Variants in ZCCHC4 observed in about 807,000 individuals in gnomAD.
The protein encoded by ZCCHC4 is rRNA N(6)-adenosine-methyltransferase ZCCHC4.
Under a neutral mutation model 67.7 loss-of-function variants are expected in ZCCHC4, and 54 were observed. The ratio of observed to expected loss-of-function variants is 0.80; its 90% CI spans 0.64 to 1.00. The LOEUF (loss-of-function observed/expected upper bound fraction) is 1.00. Among genes scored for constraint, ZCCHC4 ranks in the 50% least tolerant of loss-of-function variants. The pLI, the probability that ZCCHC4 is intolerant of heterozygous loss-of-function variation, is 0.00. For missense variants in ZCCHC4, 609 were observed against 617.0 expected (o/e 0.99, Z 0.14); for synonymous variants, 198 against 213.5 (o/e 0.93, Z 0.63).
chr4:25,370,142 G>A lies in ZCCHC4; in HGVS notation c.*978G>A, dbSNP rs557591649. 6 of 152,258 alleles carry A rather than the reference G, an allele frequency of 3.9e-5. No homozygotes were observed. Among genetic ancestry groups the A allele is most frequent in the Admixed American group, 2.0e-4 (3 of 15,288 alleles). 9.4% of individuals were successfully genotyped at this position (152,258 alleles called of 1,614,324 possible). On this transcript the variant is annotated 3_prime_UTR_variant, in exon 13 of 13. Coordinates refer to ENST00000302874, the MANE Select transcript of ZCCHC4 (RefSeq NM_024936.3). ...CGACTTGCTCTGTCATTCCAGTGTC[G>A]TTTAACCTATGCAGTAAGATTCTGT...
At chr4:25,363,900 C>T (rs891737030) in intron 10 of ZCCHC4, among the ~76,000 whole-genome samples, 7 of 152,088 alleles carry the variant, frequency 4.6e-5, no homozygotes, top group Non-Finnish European at 7.4e-5. Context: ...GAGCATGGGG[C>T]AGTTTCCAGA....
chr4:25,343,758 A>G (rs1484004180), intron 5 of ZCCHC4, among the ~76,000 whole-genome samples: 1 of 152,248 alleles, frequency 6.6e-6, no homozygotes, highest in Non-Finnish European at 1.5e-5. Context: ...GCTGTCCCTT[A>G]CATTAAATAT....
chr4:25,336,460 T>C (rs1006066947), intron 5 of ZCCHC4, among the ~76,000 whole-genome samples: 3 of 152,162 alleles, frequency 2.0e-5, no homozygotes, highest in Non-Finnish European at 4.4e-5. Flanking sequence ...ACTTTTGGGT[T>C]CTTATAATGT....
rs566017426 is a variant in ZCCHC4, at chr4:25,369,309, T to C, written c.*145T>C. The C allele has an allele frequency of 8.3e-5, 91 of 1,095,360 alleles. 2 individuals are homozygous for C. In the African/African-American group the frequency reaches 1.2e-3, roughly 14 times the overall value. The allele number at this position is 1,095,360 out of a possible 1,614,324, so 67.9% of individuals were successfully genotyped here. A position where few individuals can be genotyped will look rare whatever the true frequency, so the allele number is the denominator to read the frequency against. The stretch of plus-strand genomic sequence containing the variant: ...ATAACAGGCAGGTGGCATTTGCTGG[T>C]TTACAGTCCCTTATCTGCCTCTCTG... On this transcript the variant is annotated 3_prime_UTR_variant, in exon 13 of 13. Coordinates refer to ENST00000302874, the MANE Select transcript of ZCCHC4 (RefSeq NM_024936.3).
rs1721094681 is a variant in ZCCHC4, at chr4:25,370,230, C to A, written c.*1066C>A. On this transcript the variant is annotated 3_prime_UTR_variant, in exon 13 of 13. Transcript: ENST00000302874. ...TTGGTAATTAAACGCCCAAACTAAA[C>A]TCCTCATTCCTACCCTTAATATTTC... 6.6e-6 allele frequency: 1 copy of A among 152,176 alleles called. No homozygotes were observed. Among genetic ancestry groups the A allele is most frequent in the Admixed American group, 6.5e-5 (1 of 15,274 alleles). 9.4% of individuals were successfully genotyped at this position (152,176 alleles called of 1,614,324 possible). A position where few individuals can be genotyped will look rare whatever the true frequency, so the allele number is the denominator to read the frequency against.
Position 25,327,806 on chromosome 4 carries a change from G to A in ZCCHC4, c.330-5377G>A, listed in dbSNP as rs547261258. ...CTGAGAATCTTTATCATCAGTGGAT[G>A]TTTGATTTTGTCAAGTGCGTTTTTG... is the stretch of plus-strand genomic sequence containing the variant. On this transcript the variant is annotated intron_variant, in intron 3 of 12. Transcript: ENST00000302874. Among the ~76,000 whole-genome samples, 4 of 152,270 alleles carry A rather than the reference G, an allele frequency of 2.6e-5. No individual in the cohort carries two copies. The East Asian group carries it at 5.8e-4, about 22-fold the overall frequency.
At chr4:25,331,030 G>A (rs572283956) in intron 3 of ZCCHC4, among the ~76,000 whole-genome samples, 3 of 152,096 alleles carry the variant, frequency 2.0e-5, no homozygotes, top group East Asian at 1.9e-4. Flanking sequence ...AATTCTGGCC[G>A]CCTAGCCTCC....
intron 8 of ZCCHC4, among the ~76,000 whole-genome samples, chr4:25,354,061 A>G (rs752923814): frequency 2.6e-5 from 4 of 152,146 alleles, no homozygotes; most frequent in African/African-American, 4.8e-5. Flanking sequence ...TTTTGCACCA[A>G]CCTAATAATT....
intron 1 of ZCCHC4, among the ~76,000 whole-genome samples, chr4:25,313,427 T>G (rs1441363521): frequency 6.6e-6 from 1 of 152,156 alleles, no homozygotes; most frequent in Non-Finnish European, 1.5e-5. Context: ...ATTCTCTGAG[T>G]CCCTTCCTTG....
At chr4:25,368,940 T>C in intron 12 of ZCCHC4, 89 bp from the exon 13 acceptor site, 1 of 1,416,346 alleles carries the variant, frequency 7.1e-7, no homozygotes, top group Non-Finnish European at 9.4e-7. Context: ...TCTATTTTCT[T>C]ATTTGGTTAG....
chr4:25,347,017 A>G (rs1402064918), intron 6 of ZCCHC4, among the ~76,000 whole-genome samples: 3 of 152,154 alleles, frequency 2.0e-5, no homozygotes, highest in Non-Finnish European at 4.4e-5. Context: ...AACAGAGGGA[A>G]GTGAAGTTTG....
chr4:25,315,712 GTTT>G (rs3067788), intron 3 of ZCCHC4, among the ~76,000 whole-genome samples: 11,574 of 131,924 alleles, frequency 0.088, 492 homozygotes, highest in East Asian at 0.17. Context: ...ATTTTTGTGT[GTTT>G]TTTTTTTTTT....
At chr4:25,364,706 T>C (rs1206621371) in intron 11 of ZCCHC4, among the ~76,000 whole-genome samples, 1 of 152,238 alleles carries the variant, frequency 6.6e-6, no homozygotes, top group Non-Finnish European at 1.5e-5. Context: ...TGCTAACCTG[T>C]TTCAGTGTGG....
intron 3 of ZCCHC4, among the ~76,000 whole-genome samples, chr4:25,319,293 G>A (rs1718448575): frequency 6.6e-6 from 1 of 152,152 alleles, no homozygotes; most frequent in African/African-American, 2.4e-5. Context: ...GCTGAGGCAG[G>A]AGAATGGCGT....
At chr4:25,348,204 A>T (rs1720114221) in intron 6 of ZCCHC4, among the ~76,000 whole-genome samples, 1 of 152,220 alleles carries the variant, frequency 6.6e-6, no homozygotes, top group African/African-American at 2.4e-5. Context: ...TTGACAAGTC[A>T]TCCTCTGCTG....
intron 3 of ZCCHC4, among the ~76,000 whole-genome samples, chr4:25,317,381 A>T (rs1718311498): frequency 1.3e-5 from 2 of 152,150 alleles, no homozygotes; most frequent in African/African-American, 4.8e-5. Context: ...CTGTGTGGGA[A>T]TTCAGTCATC....
rs950250125 is a variant in ZCCHC4 at position 25,341,144 on chromosome 4, A to G, written c.687-4404A>G. ...CATTTTCTTTTCTCTAGCTAACTTT[A>G]TAGTAAAAATGCTGTATATAAAACA... is the stretch of plus-strand genomic sequence containing the variant. On this transcript the variant is annotated intron_variant, in intron 5 of 12. Transcript: ENST00000302874. 3.9e-5 allele frequency among the ~76,000 whole-genome samples: 6 copies of G among 152,124 alleles called. No homozygotes were observed. The East Asian group carries it at 9.6e-4, about 24-fold the overall frequency.
Position 25,330,799 on chromosome 4 carries a change from T to G in ZCCHC4, c.330-2384T>G, listed in dbSNP as rs1165471310. Among the ~76,000 whole-genome samples the G allele has an allele frequency of 3.3e-5, 5 of 152,172 alleles. No homozygotes were observed. The East Asian group carries it at 9.6e-4, about 29-fold the overall frequency. On this transcript the variant is annotated intron_variant, in intron 3 of 12. Transcript: ENST00000302874. The stretch of plus-strand genomic sequence containing the variant: ...TCTGGCTTGTTGGGAGACAAACCAT[T>G]CTGGACCTGTGTGTATTTTCCAGTG...
intron 3 of ZCCHC4, among the ~76,000 whole-genome samples, chr4:25,330,075 T>C (rs1389822648): frequency 6.6e-6 from 1 of 152,090 alleles, no homozygotes; most frequent in East Asian, 1.9e-4. Flanking sequence ...TACAGTAGCC[T>C]CCGTCCCTGT....
Sources: gnomAD v4.1 joint callset for allele counts (sites outside exome capture counted in the v4.1 genomes callset) on GRCh38, gnomAD v4.1.1 for gene constraint, MANE v1.5 for transcripts, NCBI Gene and HGNC (gene_info 2026-07-23, HGNC 2026-07-21) for gene names.